The following ZNF7 variants were observed in gnomAD, a reference collection of about 807,000 sequenced individuals.
ZNF7 encodes C2-H2 type zinc finger protein.
ZNF7 carries 10 observed loss-of-function variants against 12.0 expected under a neutral mutation model. The observed-to-expected ratio is 0.83, with a 90% CI of 0.51 to 1.42. The LOEUF (loss-of-function observed/expected upper bound fraction) is 1.42, where lower values mean the gene tolerates loss of function less well. ZNF7 is among the 40% of genes most tolerant of loss of function. The pLI is 0.00. For missense variants in ZNF7, 854 were observed against 837.2 expected, an observed-to-expected ratio of 1.02 and a Z score of -0.25; for synonymous variants, 334 against 295.0, an observed-to-expected ratio of 1.13 and a Z score of -1.35.
intron 3 of ZNF7, chr8:144,835,297 G>A (rs1367095646): frequency 1.3e-5 from 2 of 151,544 alleles, no homozygotes; most frequent in African/African-American, 2.4e-5. Context: ...TTGAACTCCT[G>A]GGCTCAAGTG....
At position 144,827,626 on chromosome 8, in the gene ZNF7, G is replaced by A. The variant is rs1485381287; in HGVS notation, c.-46+17G>A. ...TCAGGGAGGGTGAGTCGGCGCGGCG[G>A]GCGCGGACTCGGGTTGCCCTCGGTC... On this transcript the variant is annotated intron_variant, in intron 1 of 4. Coordinates refer to ENST00000532777, the MANE Select transcript of ZNF7 (RefSeq NM_003416.4). 5 of 985,390 alleles carry A rather than the reference G, an allele frequency of 5.1e-6. No individual in the cohort carries two copies. Among genetic ancestry groups the A allele is most frequent in the Non-Finnish European group, 4.8e-6 (4 of 829,996 alleles). 61.0% of individuals were successfully genotyped at this position (985,390 alleles called of 1,614,324 possible).
At position 144,841,261 on chromosome 8, in the gene ZNF7, C is replaced by T. The variant is rs947624527; in HGVS notation, c.248-94C>T. 9.2e-6 allele frequency: 12 copies of T among 1,310,802 alleles called. No individual in the cohort carries two copies. In the South Asian group the frequency reaches 1.6e-4, roughly 17 times the overall value. 81.2% of individuals were successfully genotyped at this position (1,310,802 alleles called of 1,614,324 possible). ...GCCTCACAGTGCTCAGTGCAACTAT[C>T]CTGGGAGCCTTGAGCCCTGGCCCCC... On this transcript the variant is annotated intron_variant, in intron 4 of 4. Coordinates refer to ENST00000532777, the MANE Select transcript of ZNF7 (RefSeq NM_003416.4).
Position 144,841,276 on chromosome 8 carries a change from C to T in ZNF7, c.248-79C>T. 2.8e-6 allele frequency: 4 copies of T among 1,435,628 alleles called. No individual in the cohort carries two copies. The South Asian group carries it at 4.1e-5, about 15-fold the overall frequency. 88.9% of individuals were successfully genotyped at this position (1,435,628 alleles called of 1,614,324 possible). Reference sequence around the variant, plus strand: ...GTGCAACTATCCTGGGAGCCTTGAGCCCTGGCCCCCGCATTTGTAGTCTTA... The same window carrying T: ...GTGCAACTATCCTGGGAGCCTTGAGTCCTGGCCCCCGCATTTGTAGTCTTA... On this transcript the variant is annotated intron_variant, in intron 4 of 4. Coordinates refer to ENST00000532777, the MANE Select transcript of ZNF7 (RefSeq NM_003416.4).
At chr8:144,838,159 A>G in intron 4 of ZNF7, 1 of 702,204 alleles carries the variant, frequency 1.4e-6, no homozygotes, top group Non-Finnish European at 2.6e-6. Context: ...TGCGTCCCTC[A>G]CTCTGATCTC....
chr8:144,829,005 G>A, intron 1 of ZNF7, 38 bp from the exon 2 acceptor site: 4 of 1,604,666 alleles, frequency 2.5e-6, no homozygotes, highest in Non-Finnish European at 3.4e-6. Context: ...TTGGGCTTCT[G>A]GCACCTTGAC....
chr8:144,841,919 T>G lies in ZNF7; in HGVS notation c.812T>G (p.Ile271Ser). 1 of 1,614,038 alleles carries G rather than the reference T, an allele frequency of 6.2e-7. No homozygotes were observed. Among genetic ancestry groups the G allele is most frequent in the Non-Finnish European group, 8.5e-7 (1 of 1,179,996 alleles). Reference sequence around the variant, plus strand: ...TCGCAGCTTAATCAGCATCAGAGAATCCACACGGGAGAGAAACCCTTTAAA... The same window carrying G: ...TCGCAGCTTAATCAGCATCAGAGAAGCCACACGGGAGAGAAACCCTTTAAA... ...LCSQLNQHQRIHTGEKPFKCT... is the reference protein window; with the variant it reads ...LCSQLNQHQRSHTGEKPFKCT... Residue 271 changes from isoleucine to serine, a missense_variant, in exon 5 of 5, where the codon ATC becomes AGC. Physicochemically the swap from Ile to Ser is moderately radical, Grantham distance 142. Coordinates refer to ENST00000532777, the MANE Select transcript of ZNF7 (RefSeq NM_003416.4).
chr8:144,841,271 T>C, intron 4 of ZNF7, 84 bp from the exon 5 acceptor site: 1 of 1,410,216 alleles, frequency 7.1e-7, no homozygotes, highest in Non-Finnish European at 9.6e-7. Context: ...CCTGGGAGCC[T>C]TGAGCCCTGG....
intron 3 of ZNF7, chr8:144,830,794 C>T (rs1195950376): frequency 5.6e-6 from 2 of 353,984 alleles, no homozygotes; most frequent in Non-Finnish European, 1.1e-5. Flanking sequence ...AGTGCAATGG[C>T]GCGATCTTGG....
chr8:144,841,434 C>T lies in ZNF7; in HGVS notation c.327C>T (p.Val109=). ...ILKSESYGTV[V]RISPQDFPQN... is the part of the protein sequence containing the mutation. ...AATCAGAATCCTATGGGACAGTGGT[C>T]AGAATCTCCCCACAGGACTTTCCTC... is the stretch of plus-strand genomic sequence containing the variant. Residue 109 remains valine (V), a synonymous_variant, in exon 5 of 5, where the codon GTC becomes GTT. Coordinates refer to ENST00000532777, the MANE Select transcript of ZNF7 (RefSeq NM_003416.4). The T allele has an allele frequency of 1.2e-6, 2 of 1,614,190 alleles. No individual in the cohort carries two copies. The highest frequency in any genetic ancestry group is 1.7e-6 in the Non-Finnish European group (2 of 1,180,024).
intron 3 of ZNF7, chr8:144,835,141 A>G (rs1828847878): frequency 6.6e-6 from 1 of 151,922 alleles, no homozygotes. Flanking sequence ...CTGTAAAACC[A>G]TCGGGACCTT....
chr8:144,830,787 G>A (rs1828356325), intron 3 of ZNF7: 10 of 351,334 alleles, frequency 2.8e-5, no homozygotes, highest in South Asian at 1.9e-4. Flanking sequence ...ATGCCGGAGT[G>A]CAATGGCGCG....
At position 144,842,299 on chromosome 8, in the gene ZNF7, C is replaced by T. The variant is rs1563843629; in HGVS notation, c.1192C>T (p.Pro398Ser). 6.2e-7 allele frequency: 1 copy of T among 1,613,872 alleles called. No individual in the cohort carries two copies. Among genetic ancestry groups the T allele is most frequent in the Non-Finnish European group, 8.5e-7 (1 of 1,180,040 alleles). The stretch of plus-strand genomic sequence containing the variant: ...TCAAATTCTAAAAGCCTCAGACAGT[C>T]CAAGCCTTGTTGCACATCAGAGAAT... ...KAQILKASDS[P>S]SLVAHQRIHA... is the part of the protein sequence containing the mutation. Residue 398 changes from proline (P) to serine (S), a missense_variant, in exon 5 of 5, where the codon CCA (proline) becomes TCA (serine). Coordinates refer to ENST00000532777, the MANE Select transcript of ZNF7 (RefSeq NM_003416.4).
Position 144,842,839 on chromosome 8 carries a change from G to T in ZNF7, c.1732G>T (p.Val578Leu). 6.2e-7 allele frequency: 1 copy of T among 1,614,212 alleles called. No homozygotes were observed. The highest frequency in any genetic ancestry group is 8.5e-7 in the Non-Finnish European group (1 of 1,180,044). Reference protein sequence around the residue: ...LFQHQIIHAGVKPYECSECGK... With the variant: ...LFQHQIIHAGLKPYECSECGK... ...CCAACACCAGATAATTCATGCAGGG[G>T]TGAAGCCCTATGAGTGCAGTGAGTG... The change falls in exon 5 of 5, where the codon GTG becomes TTG. Residue 578 changes from valine (V) to leucine (L), a missense_variant. Coordinates refer to ENST00000532777, the MANE Select transcript of ZNF7 (RefSeq NM_003416.4).
rs573529871 is a variant in ZNF7, at chr8:144,843,400, T to C, written c.*232T>C. 191 of 434,084 alleles carry C rather than the reference T, an allele frequency of 4.4e-4. 1 individual carries two copies. In the East Asian group the frequency reaches 4.5e-3, roughly 10 times the overall value. The allele number at this position is 434,084 out of a possible 1,614,324, so 26.9% of individuals were successfully genotyped here. ...GTCAGGAGGTTGAGACCATCCTGGGTAACAGGTGAAACCCCATCTCTACTA... is the reference window on the plus strand; with the variant it reads ...GTCAGGAGGTTGAGACCATCCTGGGCAACAGGTGAAACCCCATCTCTACTA... On this transcript the variant is annotated 3_prime_UTR_variant, in exon 5 of 5. Transcript: ENST00000532777.
intron 4 of ZNF7, chr8:144,837,918 G>C (rs1829221780): frequency 1.6e-6 from 1 of 613,810 alleles, no homozygotes; most frequent in Non-Finnish European, 3.0e-6. Flanking sequence ...ACCCTCTCAG[G>C]CTCCAGGAGT....
In ZNF7 at chr8:144,837,514, C is replaced by G. The variant is rs769692650; in HGVS notation, c.247+7C>G. 6.3e-7 allele frequency: 1 copy of G among 1,590,484 alleles called. No individual in the cohort carries two copies. Among genetic ancestry groups the G allele is most frequent in the Non-Finnish European group, 8.6e-7 (1 of 1,161,980 alleles). On this transcript the variant is annotated splice_region_variant and intron_variant, in intron 4 of 4. Coordinates refer to ENST00000532777, the MANE Select transcript of ZNF7 (RefSeq NM_003416.4). The stretch of plus-strand genomic sequence containing the variant: ...CCAAGGACCTCCAAGACAGGTGAGG[C>G]TTAGATCCCATCGCAGAGAAGCCCT...
chr8:144,846,203 T>C, downstream of ZNF7: 2 of 1,532,360 alleles, frequency 1.3e-6, no homozygotes, highest in South Asian at 1.2e-5. Flanking sequence ...GTGCTAACCA[T>C]AATGCTGTGT....
At position 144,834,630 on chromosome 8, in the gene ZNF7, C is replaced by T. The variant is rs573690193; in HGVS notation, c.131-2761C>T. 9 of 151,412 alleles carry T rather than the reference C, an allele frequency of 5.9e-5. 1 individual carries two copies. In the South Asian group the frequency reaches 6.2e-4, roughly 11 times the overall value. 9.4% of individuals were successfully genotyped at this position (151,412 alleles called of 1,614,324 possible). A position where few individuals can be genotyped will look rare whatever the true frequency, so the allele number is the denominator to read the frequency against. On this transcript the variant is annotated intron_variant, in intron 3 of 4. Transcript: ENST00000532777. ...CCTGGAATAAGCCTTACTTAAATCA[C>T]GATATTTATATATAAATTTTGATAT... is the stretch of plus-strand genomic sequence containing the variant.
intron 3 of ZNF7, chr8:144,835,369 G>GTT (rs1230779913): frequency 6.6e-6 from 1 of 151,878 alleles, no homozygotes; most frequent in Non-Finnish European, 1.5e-5. Flanking sequence ...ATGCTCAGCT[G>GTT]TTTTTTCTTT....
Sources: allele counts gnomAD v4.1 joint callset, GRCh38; gene constraint gnomAD v4.1.1; transcripts MANE v1.5; gene names NCBI Gene and HGNC (gene_info 2026-07-23, HGNC 2026-07-21).